The following RNF220 variants were observed in gnomAD, a reference collection of about 807,000 sequenced individuals.
RNF220 encodes E3 ubiquitin-protein ligase RNF220.
A neutral mutation model predicts 67.1 loss-of-function variants in RNF220; 7 were observed. The ratio of observed to expected loss-of-function variants is 0.10; its 90% CI spans 0.06 to 0.20. The LOEUF (loss-of-function observed/expected upper bound fraction) is 0.20. RNF220 is among the 10% of genes least tolerant of loss of function. RNF220 has a pLI of 1.00. For synonymous variants in RNF220, 270 were observed against 283.2 expected, an observed-to-expected ratio of 0.95 and a Z score of 0.47; for missense variants, 565 against 740.3, an observed-to-expected ratio of 0.76 and a Z score of 2.75.
intron 2 of RNF220, chr1:44,419,198 T>A (rs1364416924): frequency 6.6e-6 from 1 of 152,270 alleles, no homozygotes; most frequent in Non-Finnish European, 1.5e-5. Flanking sequence ...TTTTTAAGTA[T>A]CATTTAAATT....
chr1:44,626,467 G>C (rs545016879), intron 5 of RNF220, 69 bp downstream of exon 5: 6 of 1,221,662 alleles, frequency 4.9e-6, no homozygotes, highest in Non-Finnish European at 7.2e-6. Flanking sequence ...AGCCTGCCCG[G>C]TGCTAACTCC....
rs1644772412 is a variant in RNF220, at chr1:44,650,816, C to G, written c.*41C>G. On this transcript the variant is annotated 3_prime_UTR_variant, in exon 15 of 15. Transcript: ENST00000361799. The surrounding 1 kb of genome is among the most constrained non-coding windows in gnomAD (Gnocchi z 4.3). ...CAGGCCTCGCCTCCAGCAGCCCCACCTGCCCCCAGCCTCTGTGACAGTGAC... is the reference window on the plus strand; with the variant it reads ...CAGGCCTCGCCTCCAGCAGCCCCACGTGCCCCCAGCCTCTGTGACAGTGAC... 1 of 1,577,322 alleles carries G rather than the reference C, an allele frequency of 6.3e-7. No homozygotes were observed. Among genetic ancestry groups the G allele is most frequent in the African/African-American group, 1.3e-5 (1 of 74,306 alleles).
chr1:44,523,488 C>T (rs3842990), intron 2 of RNF220, among the ~76,000 whole-genome samples: 43,712 of 152,096 alleles, frequency 0.29, 7,083 homozygotes, highest in East Asian at 0.54. Context: ...CTTGGTCCCG[C>T]GCTTCCTGAA....
Position 44,535,242 on chromosome 1 carries a change from G to A in RNF220, c.626-78923G>A, listed in dbSNP as rs534448907. 4.0e-5 allele frequency among the ~76,000 whole-genome samples: 6 copies of A among 150,156 alleles called. No homozygotes were observed. The South Asian group carries it at 1.3e-3, about 32-fold the overall frequency. On this transcript the variant is annotated intron_variant, in intron 2 of 14. Coordinates refer to ENST00000361799, the MANE Select transcript of RNF220 (RefSeq NM_018150.4). ...CGCAACCTCTGCCTCCCTGGGTTCA[G>A]CGATTCTCCTGTCTCACCCTCCCAA...
chr1:44,604,667 G>A (rs1051612740), intron 2 of RNF220, among the ~76,000 whole-genome samples: 2 of 152,258 alleles, frequency 1.3e-5, no homozygotes, highest in African/African-American at 4.8e-5. Context: ...TCCATAGACT[G>A]ACTTCACCTG....
chr1:44,487,900 A>G (rs1017505650), intron 2 of RNF220, among the ~76,000 whole-genome samples: 7 of 150,982 alleles, frequency 4.6e-5, no homozygotes, highest in Non-Finnish European at 8.9e-5. Flanking sequence ...AAATAAATAT[A>G]AAAATAAATA....
chr1:44,449,671 C>T (rs1308768642), intron 2 of RNF220, among the ~76,000 whole-genome samples: 1 of 152,220 alleles, frequency 6.6e-6, no homozygotes, highest in East Asian at 1.9e-4. Flanking sequence ...CCCTAGGCCT[C>T]CCAAAGGGCT....
At chr1:44,575,722 G>A (rs1013197516) in intron 2 of RNF220, among the ~76,000 whole-genome samples, 7 of 152,168 alleles carry the variant, frequency 4.6e-5, no homozygotes, top group African/African-American at 7.2e-5. Context: ...TAGTACAGAC[G>A]TTATGGAAAA....
At chr1:44,479,379 G>T (rs979693281) in intron 2 of RNF220, among the ~76,000 whole-genome samples, 4 of 152,048 alleles carry the variant, frequency 2.6e-5, no homozygotes, top group Non-Finnish European at 5.9e-5. Flanking sequence ...GCCTCCCAAA[G>T]TGCTGGGATT....
At chr1:44,476,384 A>C (rs1198584021) in intron 2 of RNF220, among the ~76,000 whole-genome samples, 2 of 152,246 alleles carry the variant, frequency 1.3e-5, no homozygotes, top group African/African-American at 2.4e-5. Flanking sequence ...GGAAAAGAAA[A>C]TAGAAAAGTA....
intron 3 of RNF220, among the ~76,000 whole-genome samples, chr1:44,620,481 G>A (rs2148445294): frequency 6.6e-6 from 1 of 152,326 alleles, no homozygotes; most frequent in South Asian, 2.1e-4. Flanking sequence ...TGTTTACTGA[G>A]TGAATGAAGG....
Position 44,614,306 on chromosome 1 carries a change from CCT to C in RNF220, c.758+11_758+12del. Reference sequence around the variant, plus strand: ...GCCCAACTGCCCTCGAGGTAAGCCACCTCCCAGGGAGCCTGCCTGCTGGAGGA... The same window carrying C: ...GCCCAACTGCCCTCGAGGTAAGCCACCCCAGGGAGCCTGCCTGCTGGAGGA... On this transcript the variant is annotated intron_variant, in intron 3 of 14. Coordinates refer to ENST00000361799, the MANE Select transcript of RNF220 (RefSeq NM_018150.4). 1 of 1,613,186 alleles carries C rather than the reference CCT, an allele frequency of 6.2e-7. No homozygotes were observed. Among genetic ancestry groups the C allele is most frequent in the Non-Finnish European group, 8.5e-7 (1 of 1,179,486 alleles).
intron 2 of RNF220, among the ~76,000 whole-genome samples, chr1:44,599,482 G>T (rs1346822080): frequency 6.6e-6 from 1 of 152,090 alleles, no homozygotes; most frequent in African/African-American, 2.4e-5. Flanking sequence ...AGACCAGCCT[G>T]GGCAACATGA....
chr1:44,552,762 G>T (rs1662762074), intron 2 of RNF220, among the ~76,000 whole-genome samples: 1 of 151,654 alleles, frequency 6.6e-6, no homozygotes, highest in Non-Finnish European at 1.5e-5. Context: ...GTGGAGACGG[G>T]GTTTCACCTT....
intron 6 of RNF220, 60 bp from the exon 7 acceptor site, chr1:44,635,485 C>T: frequency 6.3e-7 from 1 of 1,588,608 alleles, no homozygotes; most frequent in Non-Finnish European, 8.6e-7. Context: ...CCACTGGGAC[C>T]CTGGGGGCTG....
At chr1:44,434,983 C>T (rs1188849157) in intron 2 of RNF220, among the ~76,000 whole-genome samples, 1 of 150,108 alleles carries the variant, frequency 6.7e-6, no homozygotes, top group African/African-American at 2.5e-5. Context: ...GCTATGATTG[C>T]ACCATTGCAC....
At chr1:44,568,857 G>A (rs982562532) in intron 2 of RNF220, among the ~76,000 whole-genome samples, 6 of 152,102 alleles carry the variant, frequency 3.9e-5, no homozygotes, top group African/African-American at 1.4e-4. Context: ...GGAAGGCTTC[G>A]GAGGCTATTC....
chr1:44,622,832 G>A lies in RNF220; in HGVS notation c.804+45G>A. ...TTTTCCTCCTGCCCATACTAACCTA[G>A]GCCTACCCAGAACTGGTTCCTCCTG... On this transcript the variant is annotated intron_variant, in intron 4 of 14. Coordinates refer to ENST00000361799, the MANE Select transcript of RNF220 (RefSeq NM_018150.4). The surrounding 1 kb of genome is among the most constrained non-coding windows in gnomAD (Gnocchi z 4.3). 1 of 1,563,634 alleles carries A rather than the reference G, an allele frequency of 6.4e-7. No individual in the cohort carries two copies. The highest frequency in any genetic ancestry group is 1.4e-5 in the African/African-American group (1 of 74,060).
At chr1:44,613,981 T>C (rs542031610) in intron 2 of RNF220, among the ~76,000 whole-genome samples, 184 bp from the exon 3 acceptor site, 2 of 152,302 alleles carry the variant, frequency 1.3e-5, no homozygotes, top group East Asian at 1.9e-4. Context: ...GTACCATTCA[T>C]GGCCACAGCC....
Sources: allele counts gnomAD v4.1 joint callset (sites outside exome capture counted in the v4.1 genomes callset), GRCh38; gene constraint gnomAD v4.1.1; non-coding constraint Gnocchi (gnomAD v3.1); transcripts MANE v1.5; gene names NCBI Gene and HGNC (gene_info 2026-07-23, HGNC 2026-07-21).